KCTD16: variants seen among roughly 807,000 people sequenced by gnomAD.
KCTD16 encodes the protein potassium channel tetramerization domain containing 16.
A neutral mutation model predicts 33.2 loss-of-function variants in KCTD16; 13 were observed. The ratio of observed to expected loss-of-function variants is 0.39; its 90% CI spans 0.25 to 0.62. The LOEUF (loss-of-function observed/expected upper bound fraction) is 0.62, where lower values mean the gene tolerates loss of function less well. Ranked by LOEUF, KCTD16 falls within the 20% of genes least tolerant of loss-of-function variation. The probability of loss-of-function intolerance (pLI) is 0.50; values close to 1 mark genes in which losing one functional copy is unlikely to be tolerated. For synonymous variants in KCTD16, 197 were observed against 195.3 expected, an observed-to-expected ratio of 1.01 and a Z score of -0.07; for missense variants, 441 against 525.1, an observed-to-expected ratio of 0.84 and a Z score of 1.57.
chr5:144,200,591 G>A (rs1753025439), intron 2 of KCTD16, among the ~76,000 whole-genome samples: 1 of 152,214 alleles, frequency 6.6e-6, no homozygotes, highest in Admixed American at 6.5e-5. Context: ...CTCTTTAAGG[G>A]GAGATGGTTT....
chr5:144,435,687 T>G (rs1175406185), intron 3 of KCTD16, among the ~76,000 whole-genome samples: 1 of 152,174 alleles, frequency 6.6e-6, no homozygotes, highest in Non-Finnish European at 1.5e-5. Flanking sequence ...TTCAAAGAAG[T>G]TGGGGTTATT....
chr5:144,207,485 T>G lies in KCTD16; in HGVS notation c.771T>G (p.Ser257=). 1 of 1,614,210 alleles carries G rather than the reference T, an allele frequency of 6.2e-7. No individual in the cohort carries two copies. Among genetic ancestry groups the G allele is most frequent in the Non-Finnish European group, 8.5e-7 (1 of 1,180,042 alleles). The change falls in exon 3 of 4, where the codon TCT becomes TCG. Residue 257 remains serine (S), a synonymous_variant. Coordinates refer to ENST00000512467, the MANE Select transcript of KCTD16 (RefSeq NM_020768.4). ...CCTGTAACTCATCGGTGACAGCATC[T>G]TTCATCAACCAATATACAGATGACA... is the stretch of plus-strand genomic sequence containing the variant. ...MVACNSSVTA[S]FINQYTDDKI... is the part of the protein sequence containing the mutation.
intron 2 of KCTD16, among the ~76,000 whole-genome samples, chr5:144,193,549 T>TGA (rs879317140): frequency 6.6e-6 from 1 of 151,938 alleles, no homozygotes; most frequent in Non-Finnish European, 1.5e-5. Flanking sequence ...CTATTCTATT[T>TGA]TATTCATAGC....
intron 3 of KCTD16, among the ~76,000 whole-genome samples, chr5:144,254,522 T>G (rs1158923113): frequency 2.0e-5 from 3 of 152,180 alleles, no homozygotes; most frequent in Non-Finnish European, 4.4e-5. Flanking sequence ...AAAAAAATGC[T>G]AAAAATACTT....
chr5:144,267,802 G>C (rs533401127), intron 3 of KCTD16, among the ~76,000 whole-genome samples: 4 of 152,200 alleles, frequency 2.6e-5, no homozygotes, highest in African/African-American at 9.6e-5. Flanking sequence ...TCACTTTTCT[G>C]CTTGTTTACA....
chr5:144,184,495 G>T (rs1311110328), intron 2 of KCTD16, among the ~76,000 whole-genome samples: 4 of 152,072 alleles, frequency 2.6e-5, no homozygotes, highest in Non-Finnish European at 5.9e-5. Context: ...ATCCACTTGA[G>T]ACCCTGATTT....
rs377558036 is a variant in KCTD16 at position 144,387,138 on chromosome 5, A to ATTTTT, written c.833-86505_833-86501dup. Among the ~76,000 whole-genome samples the ATTTTT allele has an allele frequency of 1.3e-4, 15 of 116,152 alleles. No homozygotes were observed. The East Asian group carries it at 1.8e-3, about 14-fold the overall frequency. 76.2% of individuals were successfully genotyped at this position (116,152 alleles called of 152,430 possible). A position where few individuals can be genotyped will look rare whatever the true frequency, so the allele number is the denominator to read the frequency against. On this transcript the variant is annotated intron_variant, in intron 3 of 3. Coordinates refer to ENST00000512467, the MANE Select transcript of KCTD16 (RefSeq NM_020768.4). ...TGCGCCACCTCACCAGGCTAATTTA[A>ATTTTT]TTTTTTTTTTTTTTTTTTTTTGAGA...
At chr5:144,307,972 A>C (rs1751653372) in intron 3 of KCTD16, among the ~76,000 whole-genome samples, 1 of 152,218 alleles carries the variant, frequency 6.6e-6, no homozygotes. Context: ...TAAGGAAAGA[A>C]CAGCCGAATG....
intron 3 of KCTD16, among the ~76,000 whole-genome samples, chr5:144,288,802 T>A (rs1755817842): frequency 6.6e-6 from 1 of 152,060 alleles, no homozygotes; most frequent in Admixed American, 6.6e-5. Context: ...AAACCCCGTC[T>A]TTACTAAAAA....
At chr5:144,405,907 C>T (rs551503717) in intron 3 of KCTD16, among the ~76,000 whole-genome samples, 1 of 152,248 alleles carries the variant, frequency 6.6e-6, no homozygotes, top group African/African-American at 2.4e-5. Flanking sequence ...TGATACTAAG[C>T]CCCATTGGAA....
intron 3 of KCTD16, among the ~76,000 whole-genome samples, chr5:144,300,480 G>C (rs565516384): frequency 6.6e-6 from 1 of 152,254 alleles, no homozygotes; most frequent in Non-Finnish European, 1.5e-5. Flanking sequence ...AGACAGTGTA[G>C]TAGAAAGTAT....
chr5:144,457,415 G>A (rs1754092536), intron 3 of KCTD16, among the ~76,000 whole-genome samples: 1 of 152,176 alleles, frequency 6.6e-6, no homozygotes, highest in Non-Finnish European at 1.5e-5. Flanking sequence ...GAGAAGCCCT[G>A]GAGAAGGAAC....
chr5:144,305,514 T>A (rs761940874), intron 3 of KCTD16, among the ~76,000 whole-genome samples: 3 of 152,194 alleles, frequency 2.0e-5, no homozygotes, highest in African/African-American at 7.2e-5. Context: ...AAAGACCTCA[T>A]GAGGATAAAT....
intron 3 of KCTD16, among the ~76,000 whole-genome samples, chr5:144,254,489 A>G (rs560100393): frequency 6.6e-6 from 1 of 152,248 alleles, no homozygotes; most frequent in East Asian, 1.9e-4. Context: ...AATATGCTGT[A>G]TTTTATTGAC....
At chr5:144,376,013 C>T (rs550184707) in intron 3 of KCTD16, among the ~76,000 whole-genome samples, 1 of 151,942 alleles carries the variant, frequency 6.6e-6, no homozygotes, top group Non-Finnish European at 1.5e-5. Flanking sequence ...TTAGTAGAGA[C>T]GGGGTTTCAC....
At chr5:144,213,375 TTC>T (rs1427853266) in intron 3 of KCTD16, among the ~76,000 whole-genome samples, 3 of 151,238 alleles carry the variant, frequency 2.0e-5, no homozygotes, top group African/African-American at 4.9e-5. Context: ...CTTCCCTTCT[TTC>T]TCTTTCTTTC....
intron 3 of KCTD16, among the ~76,000 whole-genome samples, chr5:144,386,806 A>G (rs1441053036): frequency 1.3e-5 from 2 of 152,242 alleles, no homozygotes; most frequent in Non-Finnish European, 2.9e-5. Context: ...CATTCCTCAA[A>G]GACTCAGAAC....
intron 3 of KCTD16, among the ~76,000 whole-genome samples, chr5:144,394,667 T>TGATAGTGAGTGAGTC (rs1752525632): frequency 6.6e-6 from 1 of 152,204 alleles, no homozygotes; most frequent in Non-Finnish European, 1.5e-5. Context: ...GCTGTTCTTG[T>TGATAGTGAGTGAGTC]GATAGTGAGT....
At chr5:144,400,787 G>A (rs760593147) in intron 3 of KCTD16, among the ~76,000 whole-genome samples, 3 of 152,124 alleles carry the variant, frequency 2.0e-5, no homozygotes, top group Non-Finnish European at 1.5e-5. Context: ...ATAAGAACTG[G>A]TTGGCAAATT....
Sources: gnomAD v4.1 joint callset for allele counts (sites outside exome capture counted in the v4.1 genomes callset) on GRCh38, gnomAD v4.1.1 for gene constraint, MANE v1.5 for transcripts, NCBI Gene and HGNC (gene_info 2026-07-23, HGNC 2026-07-21) for gene names.